Variants in ABCG2 observed in about 807,000 individuals in gnomAD.
The protein encoded by ABCG2 is broad substrate specificity ATP-binding cassette transporter ABCG2.
A neutral mutation model predicts 73.5 loss-of-function variants in ABCG2; 80 were observed. The ratio of observed to expected loss-of-function variants is 1.09; its 90% CI spans 0.91 to 1.31. The LOEUF is 1.31. Ranked by LOEUF, ABCG2 falls within the 50% of genes most tolerant of loss-of-function variation. The probability of loss-of-function intolerance (pLI) is 0.00; values close to 1 mark genes in which losing one functional copy is unlikely to be tolerated. For missense variants in ABCG2, 796 were observed against 786.2 expected (o/e 1.01, Z -0.15); for synonymous variants, 269 against 282.4 (o/e 0.95, Z 0.48).
At chr4:88,136,865 A>G (rs1269347728) in intron 2 of ABCG2, among the ~76,000 whole-genome samples, 1 of 151,844 alleles carries the variant, frequency 6.6e-6, no homozygotes. Flanking sequence ...AGATACAAAA[A>G]ATTAGCTGGG....
intron 12 of ABCG2, 95 bp downstream of exon 12, chr4:88,099,229 G>C (rs1722211725): frequency 7.9e-7 from 1 of 1,273,030 alleles, no homozygotes; most frequent in Non-Finnish European, 1.0e-6. Flanking sequence ...TTGGTTTATA[G>C]TTTTGAGAAC....
At position 88,115,277 on chromosome 4, in the gene ABCG2, TA is replaced by T. The variant is rs1560675215; in HGVS notation, c.842-220del. The stretch of plus-strand genomic sequence containing the variant: ...CTCTCTATATATATATATATATATA[TA>T]TATATAATTTATTTATTTATTTTGA... On this transcript the variant is annotated intron_variant, in intron 7 of 15. Coordinates refer to ENST00000237612, the MANE Select transcript of ABCG2 (RefSeq NM_004827.3). Among the ~76,000 whole-genome samples the T allele has an allele frequency of 5.1e-5, 6 of 118,586 alleles. 2 individuals carry two copies. Among genetic ancestry groups the T allele is most frequent in the African/African-American group, 2.8e-5 (1 of 35,466 alleles). The allele number at this position is 118,586 out of a possible 152,430, so 77.8% of individuals were successfully genotyped here.
At chr4:88,196,525 A>C (rs915139904) in intron 1 of ABCG2, among the ~76,000 whole-genome samples, 1 of 152,174 alleles carries the variant, frequency 6.6e-6, no homozygotes, top group Non-Finnish European at 1.5e-5. Flanking sequence ...TATTTGATGC[A>C]AAAGCTGTCA....
At chr4:88,211,111 AAT>A (rs890410430) in intron 1 of ABCG2, among the ~76,000 whole-genome samples, 8 of 151,124 alleles carry the variant, frequency 5.3e-5, no homozygotes, top group Middle Eastern at 3.4e-3. Flanking sequence ...AAATAAAAAA[AAT>A]ATATATATAT....
At chr4:88,214,176 C>T (rs1288813774) in intron 1 of ABCG2, among the ~76,000 whole-genome samples, 1 of 151,346 alleles carries the variant, frequency 6.6e-6, no homozygotes, top group Non-Finnish European at 1.5e-5. Flanking sequence ...TTTGTAGAGA[C>T]AAGGTCTTGC....
rs1430459599 is a variant in ABCG2 at position 88,131,144 on chromosome 4, T to C, written c.448A>G (p.Thr150Ala). The change falls in exon 5 of 16, where the codon ACA becomes GCA. Residue 150 changes from threonine to alanine, a missense_variant. By Grantham distance (58) the Thr-to-Ala change is moderately conservative (BLOSUM62 0). Coordinates refer to ENST00000237612, the MANE Select transcript of ABCG2 (RefSeq NM_004827.3). ...LQFSAALRLA[T>A]TMTNHEKNER... Reference sequence around the variant, plus strand: ...TTTTTTTCATGATTCGTCATAGTTGTTGCAAGCCGAAGAGCTGCTGAGAAC... The same window carrying C: ...TTTTTTTCATGATTCGTCATAGTTGCTGCAAGCCGAAGAGCTGCTGAGAAC... 1.2e-6 allele frequency: 2 copies of C among 1,614,090 alleles called. No individual in the cohort carries two copies. The highest frequency in any genetic ancestry group is 1.7e-6 in the Non-Finnish European group (2 of 1,180,006).
rs142438296 is a variant in ABCG2 at position 88,227,627 on chromosome 4, G to A, written c.-20+3367C>T. On this transcript the variant is annotated intron_variant, in intron 1 of 15. Transcript: ENST00000515655. ...AGAATCTCTGGAGTTGGAGCCCAAG[G>A]ATTTGCGTTTTAGCAAGCTCCCTAG... Among the ~76,000 whole-genome samples the A allele has an allele frequency of 2.0e-5, 3 of 152,168 alleles. No individual in the cohort carries two copies. The East Asian group carries it at 5.8e-4, about 29-fold the overall frequency.
intron 2 of ABCG2, among the ~76,000 whole-genome samples, chr4:88,133,960 T>C (rs565432251): frequency 1.3e-5 from 2 of 151,384 alleles, no homozygotes; most frequent in African/African-American, 4.9e-5. Context: ...ATCACGTCAT[T>C]GTACTCCAGC....
intron 1 of ABCG2, among the ~76,000 whole-genome samples, chr4:88,201,197 T>C (rs999866406): frequency 4.6e-5 from 6 of 131,750 alleles, no homozygotes; most frequent in African/African-American, 1.8e-4. Context: ...AAGTCTCCAG[T>C]TGCACTAACT....
intron 13 of ABCG2, among the ~76,000 whole-genome samples, chr4:88,096,587 T>A (rs1721999368): frequency 6.6e-6 from 1 of 152,200 alleles, no homozygotes; most frequent in Admixed American, 6.5e-5. Flanking sequence ...GAGTTTGTGC[T>A]AATTATTTTT....
intron 3 of ABCG2, 150 bp downstream of exon 3, chr4:88,132,426 C>T (rs955955803): frequency 8.1e-6 from 6 of 742,470 alleles, no homozygotes; most frequent in Admixed American, 2.6e-5. Flanking sequence ...GAAAAAACCA[C>T]GCAACTACAG....
upstream of ABCG2, chr4:88,163,823 A>G: frequency 3.7e-6 from 1 of 272,170 alleles, no homozygotes; most frequent in East Asian, 1.1e-4. Flanking sequence ...AATGTTCCAT[A>G]CCGCATCTGT....
chr4:88,201,159 G>C (rs4546214), intron 1 of ABCG2, among the ~76,000 whole-genome samples: 82,852 of 144,646 alleles, frequency 0.57, 24,762 homozygotes, highest in African/African-American at 0.75. Flanking sequence ...ACAAAAGCCG[G>C]TTATTTGAAA....
chr4:88,231,295 T>C (rs1034325094), exon 1 of ABCG2: 2 of 152,124 alleles, frequency 1.3e-5, no homozygotes, highest in African/African-American at 4.8e-5. Context: ...AATTAACAGC[T>C]CTCCTATCTC....
In ABCG2 at chr4:88,164,415, G is replaced by C. The variant is rs1481594016; in HGVS notation, c.-19-24401C>G. Among the ~76,000 whole-genome samples, 6 of 152,276 alleles carry C rather than the reference G, an allele frequency of 3.9e-5. No homozygotes were observed. The East Asian group carries it at 1.2e-3, about 29-fold the overall frequency. On this transcript the variant is annotated intron_variant, in intron 1 of 15. Coordinates refer to the ABCG2 transcript ENST00000515655. ...CCCCACGTGTTGCGGGAGGGACCTG[G>C]TGGGAGGTAATCGAATCACAGGGGT...
rs1173681079 is a variant in ABCG2 at position 88,101,245 on chromosome 4, T to C, written c.1352A>G (p.Glu451Gly). Residue 451 changes from glutamate to glycine, a missense_variant, in exon 11 of 16, where the codon GAG (glutamate) becomes GGG (glycine). Transcript: ENST00000237612. ...SVSAVELFVV[E>G]KKLFIHEYIS... ...ACCTACTCACATGAAGAGCTTCTTC[T>C]CTACCACAAAGAGTTCCACGGCTGA... is the stretch of plus-strand genomic sequence containing the variant. The C allele has an allele frequency of 1.9e-6, 3 of 1,613,940 alleles. No homozygotes were observed. The highest frequency in any genetic ancestry group is 2.5e-6 in the Non-Finnish European group (3 of 1,180,016).
At chr4:88,187,819 A>G (rs1728527721) in intron 1 of ABCG2, among the ~76,000 whole-genome samples, 1 of 152,188 alleles carries the variant, frequency 6.6e-6, no homozygotes, top group South Asian at 2.1e-4. Flanking sequence ...AATAGAGAAG[A>G]CACCCTACCA....
At chr4:88,132,483 CA>C (rs1472892328) in intron 3 of ABCG2, 92 bp downstream of exon 3, 4 of 1,341,144 alleles carry the variant, frequency 3.0e-6, no homozygotes, top group Non-Finnish European at 4.3e-6. Context: ...TGCAAATGCT[CA>C]ATAAATACCT....
chr4:88,177,299 A>G (rs1028354606), intron 1 of ABCG2, among the ~76,000 whole-genome samples: 28 of 152,036 alleles, frequency 1.8e-4, no homozygotes, highest in African/African-American at 4.3e-4. Context: ...GCGGGAACCC[A>G]GGAGGCGGAG....
Sources: gnomAD v4.1 joint callset for allele counts (sites outside exome capture counted in the v4.1 genomes callset) on GRCh38, gnomAD v4.1.1 for gene constraint, MANE v1.5 for transcripts, NCBI Gene and HGNC (gene_info 2026-07-23, HGNC 2026-07-21) for gene names.